Variants in CTNNA2 observed in about 807,000 individuals in gnomAD.
The protein encoded by CTNNA2 is catenin alpha 2, also known as catenin alpha-2.
CTNNA2 carries 42 observed loss-of-function variants against 101.0 expected under a neutral mutation model. The ratio of observed to expected loss-of-function variants is 0.42; its 90% CI spans 0.32 to 0.54. The LOEUF is 0.54. CTNNA2 is among the 20% of genes least tolerant of loss of function. The pLI, the probability that CTNNA2 is intolerant of heterozygous loss-of-function variation, is 0.14. For synonymous variants in CTNNA2, 450 were observed against 456.4 expected, an observed-to-expected ratio of 0.99 and a Z score of 0.18; for missense variants, 871 against 1,223.1, an observed-to-expected ratio of 0.71 and a Z score of 4.29.
intron 7 of CTNNA2, among the ~76,000 whole-genome samples, chr2:80,229,882 C>T (rs542340041): frequency 5.9e-5 from 9 of 152,152 alleles, no homozygotes; most frequent in South Asian, 2.1e-4. Context: ...AAATTCTGGG[C>T]GCTTTAGGGG....
At chr2:79,717,589 C>G (rs577294924) in intron 2 of CTNNA2, among the ~76,000 whole-genome samples, 1 of 152,278 alleles carries the variant, frequency 6.6e-6, no homozygotes, top group Non-Finnish European at 1.5e-5. Context: ...TTGTCCTGAG[C>G]CATCTAAACA....
chr2:80,605,972 C>G (rs972936182), intron 16 of CTNNA2, among the ~76,000 whole-genome samples: 1 of 151,738 alleles, frequency 6.6e-6, no homozygotes, highest in Non-Finnish European at 1.5e-5. Flanking sequence ...TTTTGACAGA[C>G]TTCCATAAGT....
intron 7 of CTNNA2, among the ~76,000 whole-genome samples, chr2:80,099,302 C>G (rs539141083): frequency 6.6e-6 from 1 of 152,118 alleles, no homozygotes; most frequent in South Asian, 2.1e-4. Context: ...CCAGAAAAAG[C>G]TAATGAGATC....
At chr2:79,973,377 G>A (rs1199691135) in intron 7 of CTNNA2, among the ~76,000 whole-genome samples, 3 of 152,162 alleles carry the variant, frequency 2.0e-5, no homozygotes, top group Admixed American at 1.3e-4. Flanking sequence ...GGTTGGCAGA[G>A]AGGCCGGTAC....
At chr2:79,345,748 A>C (rs762096697) in intron 3 of CTNNA2, among the ~76,000 whole-genome samples, 8 of 151,930 alleles carry the variant, frequency 5.3e-5, no homozygotes, top group Non-Finnish European at 8.8e-5. Flanking sequence ...GCTGGAGTGT[A>C]GTGGCACAGT....
chr2:80,153,567 C>T (rs901487248), intron 7 of CTNNA2, among the ~76,000 whole-genome samples: 8 of 152,160 alleles, frequency 5.3e-5, no homozygotes, highest in Non-Finnish European at 1.2e-4. Context: ...GATCAGCTCC[C>T]TCTTCTTCCT....
At chr2:80,076,514 C>T (rs1698762709) in intron 7 of CTNNA2, among the ~76,000 whole-genome samples, 1 of 151,812 alleles carries the variant, frequency 6.6e-6, no homozygotes, top group Non-Finnish European at 1.5e-5. Context: ...CATTCCTGGG[C>T]TCAAGCGATC....
In CTNNA2 at chr2:80,059,958, ATCAG is replaced by A. The variant is rs147932072; in HGVS notation, c.1056+150165_1056+150168del. ...TCAGCCCTTCCCTTTCCAAAAATCA[ATCAG>A]TCAATCAATTGATTCATCTATTAGG... On this transcript the variant is annotated intron_variant, in intron 7 of 18. Coordinates refer to ENST00000402739, the MANE Select transcript of CTNNA2 (RefSeq NM_001282597.3). Among the ~76,000 whole-genome samples, 1,069 of 152,304 alleles carry A rather than the reference ATCAG, an allele frequency of 7.0e-3. 10 individuals carry two copies. Among genetic ancestry groups the A allele is most frequent in the African/African-American group, 0.024 (991 of 41,558 alleles).
At chr2:79,871,959 G>C (rs1682616537) in intron 5 of CTNNA2, among the ~76,000 whole-genome samples, 1 of 152,074 alleles carries the variant, frequency 6.6e-6, no homozygotes, top group Admixed American at 6.5e-5. Flanking sequence ...TGTTAGTTCA[G>C]ACTCTTTCAA....
intron 7 of CTNNA2, among the ~76,000 whole-genome samples, chr2:80,110,337 C>A (rs1701139690): frequency 6.6e-6 from 1 of 152,180 alleles, no homozygotes; most frequent in Non-Finnish European, 1.5e-5. Context: ...TGAGAATTGT[C>A]TCTTTATTTT....
chr2:79,313,172 G>T (rs779927674), intron 3 of CTNNA2, among the ~76,000 whole-genome samples: 1 of 152,178 alleles, frequency 6.6e-6, no homozygotes, highest in Non-Finnish European at 1.5e-5. Flanking sequence ...TATAGTTGGA[G>T]TTGGGAACAG....
chr2:80,238,438 A>G (rs886760236), intron 7 of CTNNA2, among the ~76,000 whole-genome samples: 4 of 152,210 alleles, frequency 2.6e-5, no homozygotes, highest in Non-Finnish European at 4.4e-5. Flanking sequence ...AGTCTTGACA[A>G]GAGTTTGTTA....
At chr2:79,962,957 G>C (rs1224248782) in intron 7 of CTNNA2, among the ~76,000 whole-genome samples, 2 of 150,390 alleles carry the variant, frequency 1.3e-5, no homozygotes, top group Non-Finnish European at 3.0e-5. Context: ...TGTAGTCCCA[G>C]CTACTTGGGA....
chr2:79,777,232 T>C (rs1674034157), intron 3 of CTNNA2: 1 of 151,886 alleles, frequency 6.6e-6, no homozygotes, highest in Admixed American at 6.6e-5. Context: ...ACCTGGAAAA[T>C]TTAAGTGAAA....
intron 3 of CTNNA2, among the ~76,000 whole-genome samples, chr2:79,808,863 A>T (rs1218460685): frequency 2.6e-5 from 4 of 151,976 alleles, no homozygotes; most frequent in Non-Finnish European, 5.9e-5. Flanking sequence ...ATAGGTATAC[A>T]CGTGCCATGG....
intron 9 of CTNNA2, among the ~76,000 whole-genome samples, chr2:80,491,855 G>T (rs1419160842): frequency 6.6e-6 from 1 of 152,118 alleles, no homozygotes; most frequent in African/African-American, 2.4e-5. Flanking sequence ...GCAGGATCTG[G>T]TTTTGTTGCC....
Position 79,617,402 on chromosome 2 carries a change from C to A in CTNNA2, c.-5-34150C>A, listed in dbSNP as rs145065384. 2.4e-3 allele frequency among the ~76,000 whole-genome samples: 361 copies of A among 152,162 alleles called. 2 individuals carry two copies. Among genetic ancestry groups the A allele is most frequent in the Non-Finnish European group, 3.7e-3 (254 of 68,002 alleles). ...TACTTAATTTACTGTCTTTTAAATTCTCTTATTTCCCATGGATTGATCTTT... is the reference window on the plus strand; with the variant it reads ...TACTTAATTTACTGTCTTTTAAATTATCTTATTTCCCATGGATTGATCTTT... On this transcript the variant is annotated intron_variant, in intron 1 of 18. Coordinates refer to ENST00000402739, the MANE Select transcript of CTNNA2 (RefSeq NM_001282597.3).
rs59836500 is a variant in CTNNA2, at chr2:79,210,088, T to TTGTGTGTGTGTGTGTGTGTGTGTGTG, written c.-406+12014_-406+12039dup. 6.7e-3 allele frequency among the ~76,000 whole-genome samples: 972 copies of TTGTGTGTGTGTGTGTGTGTGTGTGTG among 144,840 alleles called. 8 individuals are homozygous for TTGTGTGTGTGTGTGTGTGTGTGTGTG. Among genetic ancestry groups the TTGTGTGTGTGTGTGTGTGTGTGTGTG allele is most frequent in the Admixed American group, 0.026 (376 of 14,328 alleles). On this transcript the variant is annotated intron_variant, in intron 2 of 21. Transcript: ENST00000466387. ...TTTGAGATTACAGAGTCAAGCTATA[T>TTGTGTGTGTGTGTGTGTGTGTGTGTG]TGTGTGTGTGTGTGTGTGTGTGTGT...
chr2:79,486,062 ATTTAT>A (rs561094183), intron 4 of CTNNA2, among the ~76,000 whole-genome samples: 4 of 152,178 alleles, frequency 2.6e-5, no homozygotes, highest in Non-Finnish European at 4.4e-5. Flanking sequence ...ATTTAAAATG[ATTTAT>A]TTTATTTTAT....
Sources: allele counts gnomAD v4.1 joint callset (sites outside exome capture counted in the v4.1 genomes callset), GRCh38; gene constraint gnomAD v4.1.1; transcripts MANE v1.5; gene names NCBI Gene and HGNC (gene_info 2026-07-23, HGNC 2026-07-21).